ANXA13: variants seen among roughly 807,000 people sequenced by gnomAD.
The protein encoded by ANXA13 is annexin XIII.
In ANXA13, 36 loss-of-function variants were observed where a neutral mutation model predicts 46.6. The ratio of observed to expected loss-of-function variants is 0.77; its 90% CI spans 0.59 to 1.02. ANXA13 has a LOEUF of 1.02. ANXA13 is among the 50% of genes least tolerant of loss of function. ANXA13 has a pLI of 0.00. For synonymous variants in ANXA13, 163 were observed against 152.9 expected (o/e 1.07, Z -0.49); for missense variants, 417 against 396.5 (o/e 1.05, Z -0.44).
At chr8:123,718,748 G>A (rs1037471832) in intron 1 of ANXA13, among the ~76,000 whole-genome samples, 2 of 152,200 alleles carry the variant, frequency 1.3e-5, no homozygotes, top group African/African-American at 2.4e-5. Flanking sequence ...AAAGGAGGAA[G>A]CATAGAAAAT....
intron 1 of ANXA13, among the ~76,000 whole-genome samples, chr8:123,717,946 C>T (rs1813789037): frequency 6.6e-6 from 1 of 152,216 alleles, no homozygotes; most frequent in Admixed American, 6.5e-5. Context: ...AACGCTGTAC[C>T]TCTGGCTTGG....
chr8:123,715,804 C>A (rs879792792), intron 1 of ANXA13, among the ~76,000 whole-genome samples: 6 of 152,204 alleles, frequency 3.9e-5, no homozygotes, highest in Admixed American at 3.9e-4. Context: ...GGAGCCAAGG[C>A]TAGAACCAGA....
intron 8 of ANXA13, among the ~76,000 whole-genome samples, chr8:123,689,281 A>G (rs1355753823): frequency 6.7e-6 from 1 of 148,206 alleles, no homozygotes; most frequent in East Asian, 1.9e-4. Context: ...AATATATTAT[A>G]TATACTATAA....
chr8:123,721,171 T>C (rs1337905794), intron 1 of ANXA13, among the ~76,000 whole-genome samples: 1 of 152,218 alleles, frequency 6.6e-6, no homozygotes, highest in Non-Finnish European at 1.5e-5. Context: ...TCCCCAGGTT[T>C]GTTCAAGTTG....
At chr8:123,700,407 G>T (rs1813421331) in intron 3 of ANXA13, among the ~76,000 whole-genome samples, 1 of 152,194 alleles carries the variant, frequency 6.6e-6, no homozygotes, top group East Asian at 1.9e-4. Context: ...GTTACCACGG[G>T]GTGGTTATTC....
At position 123,683,878 on chromosome 8, in the gene ANXA13, C is replaced by T. The variant is rs147379014; in HGVS notation, c.831+732G>A. 9.2e-4 allele frequency among the ~76,000 whole-genome samples: 140 copies of T among 152,290 alleles called. No individual in the cohort carries two copies. In the East Asian group the frequency reaches 0.02, roughly 22 times the overall value. ...CTGGGATTACAGGCATGAGCCATTG[C>T]ACCCGACCAGCTGTGATCTTGACGG... On this transcript the variant is annotated intron_variant, in intron 10 of 10. Coordinates refer to ENST00000419625, the MANE Select transcript of ANXA13 (RefSeq NM_004306.4).
intron 1 of ANXA13, chr8:123,735,734 G>C: frequency 6.2e-7 from 1 of 1,603,714 alleles, no homozygotes; most frequent in Non-Finnish European, 8.5e-7. Flanking sequence ...CTATGATTTG[G>C]GGGGAAAATA....
At chr8:123,736,845 T>G (rs1225373483) in intron 1 of ANXA13, among the ~76,000 whole-genome samples, 1 of 102,682 alleles carries the variant, frequency 9.7e-6, no homozygotes, top group Non-Finnish European at 1.9e-5. Context: ...ATATCCCCAG[T>G]GCTTTTTTTT....
intron 6 of ANXA13, among the ~76,000 whole-genome samples, chr8:123,695,117 G>A (rs945009685): frequency 1.3e-5 from 2 of 152,104 alleles, no homozygotes; most frequent in Non-Finnish European, 2.9e-5. Flanking sequence ...TGTTGTGGAA[G>A]CGGCCCTGCT....
intron 9 of ANXA13, among the ~76,000 whole-genome samples, chr8:123,686,487 A>AAAGC (rs1813143135): frequency 1.3e-5 from 2 of 151,606 alleles, no homozygotes; most frequent in Middle Eastern, 6.8e-3. Context: ...AGAAAGAAAG[A>AAAGC]AAGAAAAAAA....
chr8:123,701,320 A>T (rs1001650122), intron 3 of ANXA13, among the ~76,000 whole-genome samples: 1 of 152,110 alleles, frequency 6.6e-6, no homozygotes, highest in Admixed American at 6.5e-5. Context: ...AAACACAAAA[A>T]TTAGCTGGGC....
intron 1 of ANXA13, among the ~76,000 whole-genome samples, chr8:123,719,048 T>C (rs1813810292): frequency 6.6e-6 from 1 of 152,234 alleles, no homozygotes; most frequent in Non-Finnish European, 1.5e-5. Flanking sequence ...CAGCAAACTC[T>C]GGGGATGGAA....
At chr8:123,710,432 C>CA (rs763947572) in intron 2 of ANXA13, among the ~76,000 whole-genome samples, 2 of 152,146 alleles carry the variant, frequency 1.3e-5, no homozygotes, top group Non-Finnish European at 2.9e-5. Context: ...GAGATGGTCG[C>CA]AAAATCCTGT....
At chr8:123,717,995 CAGAG>C (rs1813792032) in intron 1 of ANXA13, among the ~76,000 whole-genome samples, 1 of 152,248 alleles carries the variant, frequency 6.6e-6, no homozygotes, top group Admixed American at 6.5e-5. Context: ...CGCTTGCGCC[CAGAG>C]AAAGAGTAAA....
At chr8:123,718,611 A>C (rs558260870) in intron 1 of ANXA13, among the ~76,000 whole-genome samples, 23 of 152,290 alleles carry the variant, frequency 1.5e-4, no homozygotes, top group African/African-American at 5.3e-4. Flanking sequence ...ACAAGGCAGC[A>C]CTGGTGCTGG....
chr8:123,706,373 T>C (rs77436679), intron 2 of ANXA13, among the ~76,000 whole-genome samples: 3,779 of 152,360 alleles, frequency 0.025, 164 homozygotes, highest in African/African-American at 0.085. Flanking sequence ...CCTTGGCCTC[T>C]CAGGCCTGGA....
chr8:123,729,617 C>T lies in ANXA13; in HGVS notation c.15+7703G>A, dbSNP rs76823984. Among the ~76,000 whole-genome samples the T allele has an allele frequency of 2.3e-3, 345 of 152,274 alleles. 4 individuals carry two copies. The highest frequency in any genetic ancestry group is 7.8e-3 in the African/African-American group (323 of 41,552). On this transcript the variant is annotated intron_variant, in intron 1 of 10. Coordinates refer to ENST00000419625, the MANE Select transcript of ANXA13 (RefSeq NM_004306.4). The stretch of plus-strand genomic sequence containing the variant: ...AGAGATCATTAACTTGAACACATGA[C>T]AGTTATCTTGCACCTAGGTGGGGAG...
At chr8:123,685,177 G>C (rs1813118318) in intron 9 of ANXA13, among the ~76,000 whole-genome samples, 1 of 152,146 alleles carries the variant, frequency 6.6e-6, no homozygotes, top group African/African-American at 2.4e-5. Flanking sequence ...CCTACTCTTT[G>C]TTTTTCCTCA....
At chr8:123,711,444 ACCTAGATGCTGTCTC>A (rs745329099) in intron 2 of ANXA13, among the ~76,000 whole-genome samples, 15 of 151,906 alleles carry the variant, frequency 9.9e-5, no homozygotes, top group Non-Finnish European at 2.1e-4. Flanking sequence ...ATGGCCCTAG[ACCTAGATGCTGTCTC>A]CCTCATCCCA....
Sources: gnomAD v4.1 joint callset for allele counts (sites outside exome capture counted in the v4.1 genomes callset) on GRCh38, gnomAD v4.1.1 for gene constraint, MANE v1.5 for transcripts, NCBI Gene and HGNC (gene_info 2026-07-23, HGNC 2026-07-21) for gene names.